The following CMIP variants were observed in gnomAD, a reference collection of about 807,000 sequenced individuals.
CMIP encodes C-Maf-inducing protein.
In CMIP, 13 loss-of-function variants were observed where a neutral mutation model predicts 97.3. The observed-to-expected ratio is 0.13, with a 90% CI of 0.09 to 0.21. The LOEUF is 0.21. Among genes scored for constraint, CMIP ranks in the 10% least tolerant of loss-of-function variants. The pLI, the probability that CMIP is intolerant of heterozygous loss-of-function variation, is 1.00. For synonymous variants in CMIP, 538 were observed against 436.3 expected, an observed-to-expected ratio of 1.23 and a Z score of -2.91; for missense variants, 847 against 1,024.9, an observed-to-expected ratio of 0.83 and a Z score of 2.37.
intron 1 of CMIP, among the ~76,000 whole-genome samples, chr16:81,494,239 G>A (rs751634491): frequency 7.9e-5 from 12 of 152,144 alleles, no homozygotes; most frequent in East Asian, 1.9e-4. Context: ...TTTCAGACTC[G>A]TCTTTCATCC....
chr16:81,538,391 A>G (rs1597525890), intron 1 of CMIP, among the ~76,000 whole-genome samples: 2 of 152,368 alleles, frequency 1.3e-5, no homozygotes, highest in East Asian at 3.9e-4. Flanking sequence ...TTGTTGGAAC[A>G]AAGTTGAAAT....
At chr16:81,693,332 G>T in intron 12 of CMIP, 107 bp from the exon 13 acceptor site, 1 of 1,483,426 alleles carries the variant, frequency 6.7e-7, no homozygotes, top group Non-Finnish European at 9.2e-7. Flanking sequence ...CCACCGCCTT[G>T]CCCAGCTCCC....
intron 7 of CMIP, chr16:81,666,051 C>G (rs2092599648): frequency 6.6e-6 from 1 of 152,218 alleles, no homozygotes; most frequent in African/African-American, 2.4e-5. Flanking sequence ...CTGTGCAGTT[C>G]TTTCTCCAGG....
chr16:81,593,675 G>C (rs1284319287), intron 1 of CMIP, among the ~76,000 whole-genome samples: 1 of 152,200 alleles, frequency 6.6e-6, no homozygotes, highest in Non-Finnish European at 1.5e-5. Context: ...TGGCGCGTCT[G>C]GGCATTGAGC....
At chr16:81,462,640 A>G (rs1162799937) in intron 1 of CMIP, among the ~76,000 whole-genome samples, 1 of 152,166 alleles carries the variant, frequency 6.6e-6, no homozygotes, top group East Asian at 1.9e-4. Context: ...CTTCTTGGTT[A>G]TGGTGAAATA....
At chr16:81,565,082 A>G (rs1767464092) in intron 1 of CMIP, among the ~76,000 whole-genome samples, 1 of 152,050 alleles carries the variant, frequency 6.6e-6, no homozygotes, top group Non-Finnish European at 1.5e-5. Context: ...GCCTTAAGAC[A>G]TTTTAGCTGA....
intron 1 of CMIP, chr16:81,495,287 C>A (rs1308136277): frequency 2.1e-6 from 3 of 1,419,252 alleles, no homozygotes; most frequent in African/African-American, 2.9e-5. Flanking sequence ...AGAGGATGAA[C>A]CCTCTGGGGC....
intron 4 of CMIP, among the ~76,000 whole-genome samples, chr16:81,654,786 C>G (rs1240930023): frequency 6.6e-6 from 1 of 152,212 alleles, no homozygotes; most frequent in Non-Finnish European, 1.5e-5. Context: ...GACCCTCGCC[C>G]GGGTCTGCCC....
chr16:81,470,246 G>T (rs145715242), intron 1 of CMIP, among the ~76,000 whole-genome samples: 14 of 152,258 alleles, frequency 9.2e-5, no homozygotes, highest in Non-Finnish European at 1.3e-4. Context: ...CAAAGGCGCC[G>T]CAGGGATGCT....
chr16:81,701,874 C>CT, intron 16 of CMIP, 74 bp downstream of exon 16: 1 of 1,576,604 alleles, frequency 6.3e-7, no homozygotes, highest in East Asian at 2.2e-5. Flanking sequence ...TGCGGGGCAG[C>CT]TAGTACTTGG....
intron 16 of CMIP, among the ~76,000 whole-genome samples, chr16:81,702,338 C>T (rs370403851): frequency 5.9e-5 from 9 of 152,216 alleles, no homozygotes; most frequent in African/African-American, 1.9e-4. Flanking sequence ...GATTTGGTGC[C>T]AGTACCCACC....
chr16:81,493,540 G>A (rs1053623480), intron 1 of CMIP, among the ~76,000 whole-genome samples: 8 of 152,250 alleles, frequency 5.3e-5, no homozygotes, highest in Admixed American at 5.2e-4. Context: ...TGGTGACGAT[G>A]ACAAGGGCAT....
In CMIP at chr16:81,500,278, C is replaced by CCTTCCTTCCTTT. The variant is rs1434827370; in HGVS notation, c.300+54748_300+54749insTCTTCCTTCCTT. ...TCCGTCCTTCCTTCCTTCCGTCCTT[C>CCTTCCTTCCTTT]CTTCCTTCCTTCCTTCCTTCCTTCC... On this transcript the variant is annotated intron_variant, in intron 1 of 20. Coordinates refer to ENST00000537098, the MANE Select transcript of CMIP (RefSeq NM_198390.3). 9.7e-4 allele frequency among the ~76,000 whole-genome samples: 124 copies of CCTTCCTTCCTTT among 127,282 alleles called. 1 individual carries two copies. Among genetic ancestry groups the CCTTCCTTCCTTT allele is most frequent in the Non-Finnish European group, 4.4e-4 (26 of 59,076 alleles). 83.5% of individuals were successfully genotyped at this position (127,282 alleles called of 152,430 possible). A position where few individuals can be genotyped will look rare whatever the true frequency, so the allele number is the denominator to read the frequency against.
chr16:81,588,298 G>A (rs1210427637), intron 1 of CMIP, among the ~76,000 whole-genome samples: 1 of 152,178 alleles, frequency 6.6e-6, no homozygotes, highest in Non-Finnish European at 1.5e-5. Flanking sequence ...CAAAGTAGAT[G>A]CCTTTCTTCT....
rs549254510 is a variant in CMIP, at chr16:81,662,485, G to T, written c.744+1539G>T. Among the ~76,000 whole-genome samples, 3 of 152,294 alleles carry T rather than the reference G, an allele frequency of 2.0e-5. No homozygotes were observed. In the East Asian group the frequency reaches 5.8e-4, roughly 29 times the overall value. ...GGCCGTCTGCCTTTTGGAGGGAGGG[G>T]GGTCCCAGCCATGTGGGATGCTTCT... On this transcript the variant is annotated intron_variant, in intron 6 of 20. Transcript: ENST00000537098.
chr16:81,545,250 A>G (rs117107251), intron 1 of CMIP, among the ~76,000 whole-genome samples: 3,344 of 152,206 alleles, frequency 0.022, 53 homozygotes, highest in Middle Eastern at 0.037. Flanking sequence ...GTTTGATTTA[A>G]TGCATTCGTT....
At chr16:81,607,990 G>T (rs1483991484) in intron 2 of CMIP, among the ~76,000 whole-genome samples, 1 of 152,216 alleles carries the variant, frequency 6.6e-6, no homozygotes, top group African/African-American at 2.4e-5. Context: ...CCATTTTACA[G>T]ATGAGGAAAC....
chr16:81,618,039 G>C (rs1378942782), intron 2 of CMIP, among the ~76,000 whole-genome samples: 5 of 152,252 alleles, frequency 3.3e-5, no homozygotes, highest in Non-Finnish European at 7.3e-5. Flanking sequence ...TGGACCCTCA[G>C]AGCCAGTGGA....
At chr16:81,641,972 C>T (rs1025114662) in intron 3 of CMIP, among the ~76,000 whole-genome samples, 15 of 152,184 alleles carry the variant, frequency 9.9e-5, no homozygotes, top group East Asian at 3.8e-4. Flanking sequence ...CACTCAGCCT[C>T]GATGTTCTCA....
Sources: allele counts gnomAD v4.1 joint callset (sites outside exome capture counted in the v4.1 genomes callset), GRCh38; gene constraint gnomAD v4.1.1; transcripts MANE v1.5; gene names NCBI Gene and HGNC (gene_info 2026-07-23, HGNC 2026-07-21).